STMN2: variants seen among roughly 807,000 people sequenced by gnomAD.
The protein encoded by STMN2 is stathmin-2.
A neutral mutation model predicts 24.1 loss-of-function variants in STMN2; 2 were observed. The observed-to-expected ratio is 0.08, with a 90% CI of 0.03 to 0.26. STMN2 has a LOEUF of 0.26. Among genes scored for constraint, STMN2 ranks in the 10% least tolerant of loss-of-function variants. STMN2 has a pLI of 1.00. For synonymous variants in STMN2, 83 were observed against 77.5 expected (o/e 1.07, Z -0.37); for missense variants, 114 against 213.6 (o/e 0.53, Z 2.91).
intron 2 of STMN2, among the ~76,000 whole-genome samples, chr8:79,638,181 T>C (rs558812287): frequency 5.9e-5 from 9 of 152,244 alleles, no homozygotes; most frequent in Middle Eastern, 6.3e-3. Context: ...CAGAGTTCCA[T>C]AGGGCGTAGT....
At chr8:79,625,734 G>C (rs1185816562) in intron 1 of STMN2, among the ~76,000 whole-genome samples, 4 of 152,160 alleles carry the variant, frequency 2.6e-5, no homozygotes, top group Non-Finnish European at 5.9e-5. Context: ...GAGGTGGGTG[G>C]ATCACCTGAG....
chr8:79,618,375 C>G (rs1382432240), intron 1 of STMN2, among the ~76,000 whole-genome samples: 1 of 152,136 alleles, frequency 6.6e-6, no homozygotes, highest in Non-Finnish European at 1.5e-5. Context: ...ATGACCAGTT[C>G]CAGAAATAAC....
chr8:79,660,622 T>A (rs909441441), intron 4 of STMN2, among the ~76,000 whole-genome samples: 4 of 152,210 alleles, frequency 2.6e-5, no homozygotes, highest in African/African-American at 7.2e-5. Context: ...TGTGATTCTT[T>A]CCCTAAGAGG....
chr8:79,638,465 G>A (rs780519045), intron 2 of STMN2, among the ~76,000 whole-genome samples: 44 of 151,986 alleles, frequency 2.9e-4, no homozygotes, highest in African/African-American at 4.1e-4. Flanking sequence ...AACATTTCTC[G>A]TAAACTGTGC....
chr8:79,661,381 G>A lies in STMN2; in HGVS notation c.481-3434G>A, dbSNP rs147688085. Among the ~76,000 whole-genome samples the A allele has an allele frequency of 7.4e-3, 1,122 of 152,156 alleles. 7 individuals are homozygous for A. Among genetic ancestry groups the A allele is most frequent in the Admixed American group, 0.013 (206 of 15,268 alleles). ...TGGTTTTAATTTGCATTTCCCTGAT[G>A]TTGACAATATTTAACTCTTTAGTTA... On this transcript the variant is annotated intron_variant, in intron 4 of 4. Transcript: ENST00000220876.
At chr8:79,628,605 G>T (rs545537430) in intron 1 of STMN2, among the ~76,000 whole-genome samples, 4 of 152,086 alleles carry the variant, frequency 2.6e-5, no homozygotes, top group Non-Finnish European at 5.9e-5. Context: ...ATTTCAACAC[G>T]TGTGAGATAA....
chr8:79,656,527 T>C (rs1460637815), intron 4 of STMN2, among the ~76,000 whole-genome samples: 1 of 152,076 alleles, frequency 6.6e-6, no homozygotes, highest in African/African-American at 2.4e-5. Context: ...GGGAGCAAAG[T>C]TCCATTTGCT....
At chr8:79,620,722 G>T (rs139349178) in intron 1 of STMN2, among the ~76,000 whole-genome samples, 1 of 152,124 alleles carries the variant, frequency 6.6e-6, no homozygotes, top group East Asian at 1.9e-4. Context: ...TCCACCAAAA[G>T]GCTGAAAAAT....
chr8:79,654,767 G>A, intron 3 of STMN2, 104 bp from the exon 4 acceptor site: 1 of 1,256,438 alleles, frequency 8.0e-7, no homozygotes, highest in Non-Finnish European at 1.1e-6. Flanking sequence ...TCAAGGCTGG[G>A]AGTACTATTC....
intron 3 of STMN2, among the ~76,000 whole-genome samples, chr8:79,645,774 AC>A (rs1297602030): frequency 9.2e-5 from 14 of 151,912 alleles, no homozygotes; most frequent in Admixed American, 9.2e-4. Flanking sequence ...TGGGGAGGGG[AC>A]TTCTCTGAAC....
At chr8:79,622,060 C>T (rs1809526699) in intron 1 of STMN2, among the ~76,000 whole-genome samples, 3 of 152,170 alleles carry the variant, frequency 2.0e-5, no homozygotes, top group South Asian at 4.1e-4. Context: ...CCCCAAAAGT[C>T]CTTAGGTCAG....
intron 1 of STMN2, chr8:79,613,673 C>G: frequency 1.0e-6 from 1 of 985,424 alleles, no homozygotes; most frequent in Non-Finnish European, 1.2e-6. Context: ...TCAAAAGGGA[C>G]GTGGATTGCT....
At chr8:79,655,994 G>A (rs62520526) in intron 4 of STMN2, among the ~76,000 whole-genome samples, 8,466 of 152,128 alleles carry the variant, frequency 0.056, 308 homozygotes, top group African/African-American at 0.1. Flanking sequence ...TTAATTAGAT[G>A]AGCCTCCTGT....
chr8:79,616,749 T>G (rs1809389973), intron 1 of STMN2, among the ~76,000 whole-genome samples: 1 of 152,228 alleles, frequency 6.6e-6, no homozygotes, highest in African/African-American at 2.4e-5. Context: ...GGGATTTTAT[T>G]ACTCTGGGAA....
chr8:79,660,171 C>T (rs1806473574), intron 4 of STMN2, among the ~76,000 whole-genome samples: 1 of 152,192 alleles, frequency 6.6e-6, no homozygotes, highest in Non-Finnish European at 1.5e-5. Flanking sequence ...TAGGAACCAT[C>T]AGACAGCAGG....
intron 1 of STMN2, among the ~76,000 whole-genome samples, chr8:79,636,073 C>G (rs1016610518): frequency 1.3e-5 from 2 of 151,882 alleles, no homozygotes; most frequent in African/African-American, 4.8e-5. Flanking sequence ...AAAAATTATC[C>G]AGGCATGGTG....
chr8:79,616,767 T>C (rs1399403943), intron 1 of STMN2, among the ~76,000 whole-genome samples: 1 of 152,220 alleles, frequency 6.6e-6, no homozygotes, highest in East Asian at 1.9e-4. Context: ...GAATTATGTG[T>C]TCTGCCCCAT....
chr8:79,656,109 G>A (rs1231111004), intron 4 of STMN2, among the ~76,000 whole-genome samples: 1 of 152,106 alleles, frequency 6.6e-6, no homozygotes, highest in African/African-American at 2.4e-5. Context: ...TTCATTCTCA[G>A]TCTCTGACTG....
intron 3 of STMN2, among the ~76,000 whole-genome samples, chr8:79,650,803 G>A (rs890110645): frequency 3.3e-5 from 5 of 152,088 alleles, no homozygotes; most frequent in East Asian, 1.9e-4. Context: ...GACAGGTGTC[G>A]TGTTGCACGC....
Sources: gnomAD v4.1 joint callset for allele counts (sites outside exome capture counted in the v4.1 genomes callset) on GRCh38, gnomAD v4.1.1 for gene constraint, MANE v1.5 for transcripts, NCBI Gene and HGNC (gene_info 2026-07-23, HGNC 2026-07-21) for gene names.